The following FABP4 variants were observed in gnomAD, a reference collection of about 807,000 sequenced individuals.
FABP4 encodes the protein fatty acid-binding protein, adipocyte.
A neutral mutation model predicts 14.6 loss-of-function variants in FABP4; 17 were observed. The observed-to-expected ratio is 1.16, with a 90% CI of 0.80 to 1.74. The LOEUF is 1.74. Ranked by LOEUF, FABP4 falls within the 40% of genes most tolerant of loss-of-function variation. The pLI, the probability that FABP4 is intolerant of heterozygous loss-of-function variation, is 0.00. For synonymous variants in FABP4, 54 were observed against 54.6 expected, an observed-to-expected ratio of 0.99 and a Z score of 0.05; for missense variants, 149 against 160.3, an observed-to-expected ratio of 0.93 and a Z score of 0.38.
intron 1 of FABP4, 116 bp downstream of exon 1, chr8:81,482,979 G>A (rs1808103164): frequency 1.4e-6 from 1 of 700,930 alleles, no homozygotes; most frequent in Admixed American, 3.2e-5. Context: ...TCTATAGAAA[G>A]CAGCATTTTT....
At chr8:81,482,237 T>C (rs764658797) in intron 1 of FABP4, among the ~76,000 whole-genome samples, 12 of 152,240 alleles carry the variant, frequency 7.9e-5, no homozygotes, top group Non-Finnish European at 1.8e-4. Flanking sequence ...AACCCTAAGA[T>C]TGCATAAAAT....
chr8:81,481,677 G>C (rs1808081198), intron 1 of FABP4, among the ~76,000 whole-genome samples: 1 of 152,156 alleles, frequency 6.6e-6, no homozygotes, highest in Non-Finnish European at 1.5e-5. Context: ...TTGGCTGTCT[G>C]TCTGAAAAAT....
Position 81,479,407 on chromosome 8 carries a change from TACTC to T in FABP4, c.348+3_348+6del, listed in dbSNP as rs1006215845. 29 of 1,606,834 alleles carry T rather than the reference TACTC, an allele frequency of 1.8e-5. No individual in the cohort carries two copies. Among genetic ancestry groups the T allele is most frequent in the Middle Eastern group, 1.7e-4 (1 of 6,058 alleles). On this transcript the variant is annotated splice_donor_5th_base_variant and intron_variant, in intron 3 of 3. Transcript: ENST00000256104. ...GATCCAGAATTAAGTAGCTAGAAGA[TACTC>T]ACCACCACCAGTTTATCATCCTCTC...
chr8:81,482,541 A>C (rs917572028), intron 1 of FABP4, among the ~76,000 whole-genome samples: 31 of 152,200 alleles, frequency 2.0e-4, no homozygotes, highest in African/African-American at 6.8e-4. Context: ...GGAAGTATTT[A>C]AGCCATTTAA....
chr8:81,482,336 C>T (rs1434954280), intron 1 of FABP4, among the ~76,000 whole-genome samples: 1 of 152,100 alleles, frequency 6.6e-6, no homozygotes. Flanking sequence ...TAGAAGCTGC[C>T]TGAGTGAGAA....
Position 81,479,457 on chromosome 8 carries a change from G to T in FABP4, c.305C>A (p.Ser102Ter). The T allele has an allele frequency of 6.2e-7, 1 of 1,613,412 alleles. No individual in the cohort carries two copies. The highest frequency in any genetic ancestry group is 1.1e-5 in the South Asian group (1 of 91,060). ...CTCTCGTTTTCTCTTTATGGTGGTT[G>T]ATTTTCCATCCCATTTCTGCACATG... Reference protein sequence around the residue: ...LVHVQKWDGKSTTIKRKREDD... With the variant: ...LVHVQKWDGK Residue 102 changes from serine to a stop codon, truncating the protein, a stop_gained, in exon 3 of 4, where the codon TCA becomes TAA. Transcript: ENST00000256104. LOFTEE classifies it high-confidence loss of function.
chr8:81,480,595 A>C lies in FABP4; in HGVS notation c.77T>G (p.Val26Gly). Residue 26 changes from valine (V) to glycine (G), a missense_variant, in exon 2 of 4, where the codon GTG becomes GGG. Coordinates refer to ENST00000256104, the MANE Select transcript of FABP4 (RefSeq NM_001442.3). ...AGCCACTTTCCTGGTGGCAAAGCCC[A>C]CTCCTACAGTTAGGAAAAGAAAAGA... is the stretch of plus-strand genomic sequence containing the variant. The part of the protein sequence containing the change: ...NFDDYMKEVG[V>G]GFATRKVAGM... 1 of 1,603,100 alleles carries C rather than the reference A, an allele frequency of 6.2e-7. No homozygotes were observed. The highest frequency in any genetic ancestry group is 8.5e-7 in the Non-Finnish European group (1 of 1,175,478).
chr8:81,478,663 C>G lies in FABP4; in HGVS notation c.*202G>C. On this transcript the variant is annotated 3_prime_UTR_variant, in exon 4 of 4. Transcript: ENST00000256104. ...GTTATGACTAAGAATACATCATAAG[C>G]ACAATGAATACATCATTACATCACC... is the stretch of plus-strand genomic sequence containing the variant. 2.2e-6 allele frequency: 1 copy of G among 460,660 alleles called. No homozygotes were observed. Among genetic ancestry groups the G allele is most frequent in the South Asian group, 4.8e-5 (1 of 20,746 alleles). The allele number at this position is 460,660 out of a possible 1,614,324, so 28.5% of individuals were successfully genotyped here.
intron 2 of FABP4, 55 bp downstream of exon 2, chr8:81,480,371 G>A (rs1808058586): frequency 4.0e-6 from 6 of 1,502,714 alleles, no homozygotes; most frequent in Admixed American, 1.8e-5. Context: ...ATTTCTTATA[G>A]CAGTGGTGAT....
chr8:81,480,455 C>G lies in FABP4; in HGVS notation c.217G>C (p.Glu73Gln). ...ISFILGQEFD[E>Q]VTADDRKVKS... Reference sequence around the variant, plus strand: ...ACTTTCCTGTCATCTGCAGTGACTTCGTCAAATTCCTGGCCCAGTATGAAG... The same window carrying G: ...ACTTTCCTGTCATCTGCAGTGACTTGGTCAAATTCCTGGCCCAGTATGAAG... Residue 73 changes from glutamate to glutamine, a missense_variant, in exon 2 of 4, where the codon GAA (glutamate) becomes CAA (glutamine). Physicochemically the swap from Glu to Gln is conservative, Grantham distance 29. Coordinates refer to ENST00000256104, the MANE Select transcript of FABP4 (RefSeq NM_001442.3). 6.2e-7 allele frequency: 1 copy of G among 1,613,612 alleles called. No individual in the cohort carries two copies. Among genetic ancestry groups the G allele is most frequent in the Non-Finnish European group, 8.5e-7 (1 of 1,179,688 alleles).
Position 81,480,591 on chromosome 8 carries a change from G to A in FABP4, c.81C>T (p.Gly27=), listed in dbSNP as rs1352874845. 1.2e-6 allele frequency: 2 copies of A among 1,611,116 alleles called. No homozygotes were observed. Among genetic ancestry groups the A allele is most frequent in the South Asian group, 1.1e-5 (1 of 90,418 alleles). ...TGCCAGCCACTTTCCTGGTGGCAAA[G>A]CCCACTCCTACAGTTAGGAAAAGAA... The part of the protein sequence containing the change: ...FDDYMKEVGV[G]FATRKVAGMA... The change falls in exon 2 of 4, where the codon GGC becomes GGT. Residue 27 remains glycine, a synonymous_variant. Coordinates refer to ENST00000256104, the MANE Select transcript of FABP4 (RefSeq NM_001442.3).
chr8:81,479,016 A>G (rs1808019382), intron 3 of FABP4, 101 bp from the exon 4 acceptor site: 4 of 1,032,864 alleles, frequency 3.9e-6, no homozygotes, highest in Non-Finnish European at 3.0e-6. Context: ...CATTCCAAAG[A>G]TATTCATTTC....
intron 3 of FABP4, 96 bp downstream of exon 3, chr8:81,479,318 G>T (rs1808027256): frequency 2.0e-6 from 2 of 993,228 alleles, no homozygotes; most frequent in Non-Finnish European, 3.1e-6. Flanking sequence ...TTTTGTTTCA[G>T]ATAATCAAAA....
At chr8:81,480,343 T>C (rs1330973170) in intron 2 of FABP4, 83 bp downstream of exon 2, 1 of 1,325,362 alleles carries the variant, frequency 7.5e-7, no homozygotes, top group East Asian at 2.4e-5. Context: ...ATGGTGTTCC[T>C]CCTTTTATCA....
chr8:81,480,403 T>C, intron 2 of FABP4, 23 bp downstream of exon 2: 1 of 1,610,192 alleles, frequency 6.2e-7, no homozygotes, highest in Non-Finnish European at 8.5e-7. Context: ...GCATGTACTC[T>C]GTGCCACTTC....
chr8:81,480,360 G>T, intron 2 of FABP4, 66 bp downstream of exon 2: 2 of 1,425,494 alleles, frequency 1.4e-6, no homozygotes, highest in South Asian at 2.9e-5. Flanking sequence ...ATCATAAAAT[G>T]ATTTCTTATA....
chr8:81,480,418 T>C lies in FABP4; in HGVS notation c.246+8A>G. Reference sequence around the variant, plus strand: ...GCATGTACTCTGTGCCACTTCCTTATTTCTCACCTTGACTTTCCTGTCATC... The same window carrying C: ...GCATGTACTCTGTGCCACTTCCTTACTTCTCACCTTGACTTTCCTGTCATC... On this transcript the variant is annotated splice_region_variant and intron_variant, in intron 2 of 3. Transcript: ENST00000256104. The C allele has an allele frequency of 6.2e-7, 1 of 1,612,890 alleles. No individual in the cohort carries two copies. Among genetic ancestry groups the C allele is most frequent in the Non-Finnish European group, 8.5e-7 (1 of 1,179,208 alleles).
At chr8:81,480,619 G>A (rs1481593219) in intron 1 of FABP4, 21 bp from the exon 2 acceptor site, 1 of 1,594,394 alleles carries the variant, frequency 6.3e-7, no homozygotes, top group Non-Finnish European at 8.5e-7. Context: ...GAAAAGAAAA[G>A]ATGTCAGATT....
chr8:81,478,909 C>A lies in FABP4; in HGVS notation c.355G>T (p.Val119Phe). 6.2e-7 allele frequency: 1 copy of A among 1,612,960 alleles called. No individual in the cohort carries two copies. The change falls in exon 4 of 4, where the codon GTC becomes TTC. Residue 119 changes from valine to phenylalanine, a missense_variant. By Grantham distance (50) the Val-to-Phe change is conservative. Coordinates refer to ENST00000256104, the MANE Select transcript of FABP4 (RefSeq NM_001442.3). ...CTCGTGGAAGTGACGCCTTTCATGA[C>A]GCATTCCTAGACACAAAAAACAATT... ...REDDKLVVEC[V>F]MKGVTSTRVY...
Sources: allele counts gnomAD v4.1 joint callset (sites outside exome capture counted in the v4.1 genomes callset), GRCh38; gene constraint gnomAD v4.1.1; transcripts MANE v1.5; gene names NCBI Gene and HGNC (gene_info 2026-07-23, HGNC 2026-07-21).